Variants in CARNMT1 observed in about 807,000 individuals in gnomAD.
The protein encoded by CARNMT1 is carnosine N-methyltransferase 1.
CARNMT1 carries 28 observed loss-of-function variants against 49.6 expected under a neutral mutation model. That is an observed-to-expected ratio of 0.56 (90% confidence interval 0.42 to 0.77). The LOEUF (loss-of-function observed/expected upper bound fraction) is 0.77. CARNMT1 is among the 30% of genes least tolerant of loss of function. CARNMT1 has a pLI of 0.00. For missense variants in CARNMT1, 421 were observed against 512.6 expected, an observed-to-expected ratio of 0.82 and a Z score of 1.73; for synonymous variants, 178 against 175.0, an observed-to-expected ratio of 1.02 and a Z score of -0.13.
intron 6 of CARNMT1, among the ~76,000 whole-genome samples, chr9:74,989,874 G>A (rs1221883622): frequency 2.0e-5 from 3 of 152,122 alleles, no homozygotes; most frequent in Admixed American, 6.5e-5. Flanking sequence ...GACTTGAGAT[G>A]TCAGAATTAT....
At chr9:74,995,319 T>C (rs1425118161) in intron 6 of CARNMT1, among the ~76,000 whole-genome samples, 1 of 152,158 alleles carries the variant, frequency 6.6e-6, no homozygotes, top group Non-Finnish European at 1.5e-5. Context: ...TATAACATAG[T>C]GCCATTTCAA....
At chr9:75,025,080 A>G (rs754322121) in intron 1 of CARNMT1, among the ~76,000 whole-genome samples, 1 of 152,224 alleles carries the variant, frequency 6.6e-6, no homozygotes, top group Non-Finnish European at 1.5e-5. Flanking sequence ...CTCTGTCTGA[A>G]ATGGGGTTGG....
chr9:75,002,308 A>G (rs1413958704), intron 3 of CARNMT1, among the ~76,000 whole-genome samples: 1 of 152,182 alleles, frequency 6.6e-6, no homozygotes, highest in East Asian at 1.9e-4. Flanking sequence ...TCCAACACAA[A>G]ATGCTGTCTT....
intron 5 of CARNMT1, among the ~76,000 whole-genome samples, chr9:74,997,570 C>A (rs1023772301): frequency 6.6e-6 from 1 of 152,078 alleles, no homozygotes; most frequent in Non-Finnish European, 1.5e-5. Flanking sequence ...AGCAAGCACT[C>A]ACTCTACTCC....
chr9:74,981,539 G>A lies in CARNMT1; in HGVS notation c.*2228C>T, dbSNP rs951658934. 1.3e-5 allele frequency: 2 copies of A among 152,086 alleles called. No individual in the cohort carries two copies. The highest frequency in any genetic ancestry group is 4.8e-5 in the African/African-American group (2 of 41,434). 9.4% of individuals were successfully genotyped at this position (152,086 alleles called of 1,614,324 possible). A position where few individuals can be genotyped will look rare whatever the true frequency, so the allele number is the denominator to read the frequency against. On this transcript the variant is annotated 3_prime_UTR_variant, in exon 8 of 8. Coordinates refer to ENST00000376834, the MANE Select transcript of CARNMT1 (RefSeq NM_152420.3). Reference sequence around the variant, plus strand: ...AACTGCAAAAGCTGTAAGAAAAGAAGTGATGCAAATTTGTATAGAACATTT... The same window carrying A: ...AACTGCAAAAGCTGTAAGAAAAGAAATGATGCAAATTTGTATAGAACATTT...
At chr9:75,000,861 T>C (rs780989595) in intron 3 of CARNMT1, among the ~76,000 whole-genome samples, 1 of 152,140 alleles carries the variant, frequency 6.6e-6, no homozygotes, top group Non-Finnish European at 1.5e-5. Flanking sequence ...CCATATAACC[T>C]TTGCATGTCC....
intron 1 of CARNMT1, 115 bp from the exon 2 acceptor site, chr9:75,017,563 A>G: frequency 1.3e-6 from 1 of 797,744 alleles, no homozygotes; most frequent in Non-Finnish European, 2.0e-6. Flanking sequence ...ATACTGTCCT[A>G]TCATTTACAA....
In CARNMT1 at chr9:75,017,315, T is replaced by C. The variant is rs772627099; in HGVS notation, c.364A>G (p.Ile122Val). Residue 122 changes from isoleucine to valine, a missense_variant, in exon 2 of 8, where the codon ATA (isoleucine) becomes GTA (valine). Physicochemically the swap from Ile to Val is conservative, Grantham distance 29. Coordinates refer to ENST00000376834, the MANE Select transcript of CARNMT1 (RefSeq NM_152420.3). ...IRKCIDHNQE[I>V]LLTIVNDCIH... ...CAATCATTCACAATGGTCAGTAGTA[T>C]TTCTTGATTATGATCAATGCATTTC... 108 of 1,613,934 alleles carry C rather than the reference T, an allele frequency of 6.7e-5. No homozygotes were observed. The highest frequency in any genetic ancestry group is 8.6e-5 in the Non-Finnish European group (101 of 1,179,904).
chr9:75,024,922 T>C (rs193261633), intron 1 of CARNMT1, among the ~76,000 whole-genome samples: 3 of 152,054 alleles, frequency 2.0e-5, no homozygotes, highest in African/African-American at 2.4e-5. Flanking sequence ...CTGACAGATA[T>C]GTTGTATGTT....
chr9:74,999,127 AC>A (rs1274769092), intron 4 of CARNMT1, among the ~76,000 whole-genome samples: 1 of 152,120 alleles, frequency 6.6e-6, no homozygotes, highest in African/African-American at 2.4e-5. Flanking sequence ...TTTTTGTATA[AC>A]CCTCTTCTTT....
In CARNMT1 at chr9:75,007,334, T is replaced by C. The variant is rs553857623; in HGVS notation, c.591-7464A>G. On this transcript the variant is annotated intron_variant, in intron 3 of 7. Transcript: ENST00000376834. ...CACAAGAAAATCAATTGATGAAATA[T>C]ATCACATTAATGGAAGAAAAAACAT... 6.6e-5 allele frequency among the ~76,000 whole-genome samples: 10 copies of C among 152,292 alleles called. No homozygotes were observed. The South Asian group carries it at 2.1e-3, about 32-fold the overall frequency.
chr9:75,005,457 T>C (rs1327769867), intron 3 of CARNMT1, among the ~76,000 whole-genome samples: 1 of 151,266 alleles, frequency 6.6e-6, no homozygotes, highest in African/African-American at 2.4e-5. Flanking sequence ...TTTACACATA[T>C]TTCATTAAGT....
chr9:75,027,936 C>T (rs1822579161), intron 1 of CARNMT1, 76 bp downstream of exon 1: 2 of 1,436,796 alleles, frequency 1.4e-6, no homozygotes, highest in African/African-American at 1.5e-5. Context: ...ACGGCGAGCG[C>T]CCCCGTTCCG....
intron 3 of CARNMT1, among the ~76,000 whole-genome samples, chr9:75,013,676 T>G (rs77230448): frequency 8.5e-5 from 13 of 152,138 alleles, no homozygotes; most frequent in Non-Finnish European, 1.8e-4. Flanking sequence ...TGCTATATTA[T>G]CTTTTGTGGA....
At chr9:74,993,544 G>A (rs937527620) in intron 6 of CARNMT1, among the ~76,000 whole-genome samples, 3 of 152,182 alleles carry the variant, frequency 2.0e-5, no homozygotes, top group Admixed American at 6.5e-5. Context: ...AGGCAGGGGC[G>A]TCCTTAAGGA....
intron 1 of CARNMT1, among the ~76,000 whole-genome samples, chr9:75,021,276 A>C (rs1351186582): frequency 7.4e-6 from 1 of 134,726 alleles, no homozygotes; most frequent in Non-Finnish European, 1.7e-5. Context: ...ATGTATATAT[A>C]CATAGTATAT....
chr9:75,024,885 C>T (rs927670421), intron 1 of CARNMT1, among the ~76,000 whole-genome samples: 1 of 152,022 alleles, frequency 6.6e-6, no homozygotes, highest in Admixed American at 6.6e-5. Flanking sequence ...TACTACTGAC[C>T]GAAAGCCGTA....
In CARNMT1 at chr9:74,996,535, A is replaced by G. The variant is rs141226457; in HGVS notation, c.936T>C (p.Cys312=). ...CATTGTGAGCTGTGTCTATGAAGAA[A>G]CAGGTAGCAATACAGTCCCAGGTAT... ...ECNTWDCIAT[C]FFIDTAHNVI... is the part of the protein sequence containing the mutation. The change falls in exon 6 of 8, where the codon TGT becomes TGC. Residue 312 remains cysteine, a synonymous_variant. Transcript: ENST00000376834. 1.0e-4 allele frequency: 168 copies of G among 1,602,256 alleles called. 1 individual carries two copies. The highest frequency in any genetic ancestry group is 1.4e-4 in the Non-Finnish European group (164 of 1,172,766).
chr9:74,992,821 A>G (rs1833069170), intron 6 of CARNMT1, among the ~76,000 whole-genome samples: 1 of 152,170 alleles, frequency 6.6e-6, no homozygotes, highest in South Asian at 2.1e-4. Flanking sequence ...ATGGCTGGCC[A>G]TTACATTTCC....
Sources: allele counts gnomAD v4.1 joint callset (sites outside exome capture counted in the v4.1 genomes callset), GRCh38; gene constraint gnomAD v4.1.1; transcripts MANE v1.5; gene names NCBI Gene and HGNC (gene_info 2026-07-23, HGNC 2026-07-21).